The following RIMS1 variants were observed in gnomAD, a reference collection of about 807,000 sequenced individuals.
RIMS1 encodes the protein regulating synaptic membrane exocytosis protein 1.
A neutral mutation model predicts 214.1 loss-of-function variants in RIMS1; 83 were observed. The observed-to-expected ratio is 0.39, with a 90% CI of 0.32 to 0.47. The LOEUF is 0.47. Ranked by LOEUF, RIMS1 falls within the 20% of genes least tolerant of loss-of-function variation. The pLI is 0.99. For synonymous variants in RIMS1, 793 were observed against 786.8 expected, an observed-to-expected ratio of 1.01 and a Z score of -0.13; for missense variants, 2,050 against 2,161.8, an observed-to-expected ratio of 0.95 and a Z score of 1.03.
chr6:72,261,464 C>T (rs1437159554), intron 19 of RIMS1: 4 of 973,710 alleles, frequency 4.1e-6, no homozygotes, highest in East Asian at 2.3e-4. Flanking sequence ...TTATGTTAAT[C>T]TCATTACATC....
intron 2 of RIMS1, among the ~76,000 whole-genome samples, chr6:72,058,513 C>T (rs1826968611): frequency 6.6e-6 from 1 of 152,190 alleles, no homozygotes; most frequent in African/African-American, 2.4e-5. Flanking sequence ...CTGACTGAGT[C>T]TGTCTTTCTC....
intron 2 of RIMS1, among the ~76,000 whole-genome samples, chr6:72,043,650 G>C (rs1822102497): frequency 6.6e-6 from 1 of 151,210 alleles, no homozygotes; most frequent in Admixed American, 6.6e-5. Flanking sequence ...ATCTGATGTT[G>C]CTTTTAGTAA....
intron 1 of RIMS1, among the ~76,000 whole-genome samples, chr6:71,900,885 A>C (rs1334247049): frequency 1.3e-5 from 2 of 152,150 alleles, no homozygotes; most frequent in South Asian, 4.1e-4. Flanking sequence ...TGAGTGATTA[A>C]ATTCAGACAA....
chr6:72,091,549 A>G (rs1836234553), intron 2 of RIMS1, among the ~76,000 whole-genome samples: 2 of 152,220 alleles, frequency 1.3e-5, no homozygotes, highest in South Asian at 2.1e-4. Context: ...TTATAGAATA[A>G]TATTTAGTTT....
chr6:72,231,885 T>C (rs1449056159), intron 6 of RIMS1, among the ~76,000 whole-genome samples: 1 of 151,642 alleles, frequency 6.6e-6, no homozygotes, highest in African/African-American at 2.4e-5. Flanking sequence ...ATAATATTAA[T>C]AGATTTACTT....
At chr6:72,328,284 C>G (rs2096547272) in intron 28 of RIMS1, among the ~76,000 whole-genome samples, 1 of 151,632 alleles carries the variant, frequency 6.6e-6, no homozygotes, top group Non-Finnish European at 1.5e-5. Context: ...TATCACACAC[C>G]AAGGCCTGTC....
At chr6:72,043,287 A>G (rs1821973212) in intron 2 of RIMS1, among the ~76,000 whole-genome samples, 1 of 152,024 alleles carries the variant, frequency 6.6e-6, no homozygotes, top group Admixed American at 6.6e-5. Flanking sequence ...TAGGAAAGAG[A>G]AAAGGTATGA....
At chr6:71,910,474 G>T (rs1776553815) in intron 1 of RIMS1, among the ~76,000 whole-genome samples, 1 of 152,106 alleles carries the variant, frequency 6.6e-6, no homozygotes, top group Non-Finnish European at 1.5e-5. Context: ...TCCCGTCCAT[G>T]CGTACACACT....
At chr6:72,043,003 C>G (rs962223665) in intron 2 of RIMS1, among the ~76,000 whole-genome samples, 1 of 151,822 alleles carries the variant, frequency 6.6e-6, no homozygotes, top group East Asian at 1.9e-4. Context: ...TAGCTTCAGA[C>G]ACTTGAATTG....
chr6:72,227,774 A>G (rs1034820094), intron 6 of RIMS1, among the ~76,000 whole-genome samples: 2 of 151,962 alleles, frequency 1.3e-5, no homozygotes, highest in Non-Finnish European at 2.9e-5. Flanking sequence ...TCTGAATACA[A>G]ATATCTTTGT....
chr6:72,119,659 A>AT (rs567323477), intron 4 of RIMS1, among the ~76,000 whole-genome samples: 42 of 150,836 alleles, frequency 2.8e-4, no homozygotes, highest in African/African-American at 8.7e-4. Context: ...TAGCCAACTG[A>AT]TTTTTTTTTA....
At chr6:72,001,480 G>T (rs1016777676) in intron 2 of RIMS1, among the ~76,000 whole-genome samples, 1 of 152,026 alleles carries the variant, frequency 6.6e-6, no homozygotes, top group African/African-American at 2.4e-5. Context: ...TGTTACTGAT[G>T]CCTTTTTCTC....
chr6:72,384,855 T>G (rs1307039214), intron 29 of RIMS1, among the ~76,000 whole-genome samples: 1 of 152,228 alleles, frequency 6.6e-6, no homozygotes, highest in Non-Finnish European at 1.5e-5. Context: ...GCCTGTATCA[T>G]AGGTTCTTGG....
At chr6:72,272,660 AG>A (rs1280892518) in intron 22 of RIMS1, among the ~76,000 whole-genome samples, 1 of 152,122 alleles carries the variant, frequency 6.6e-6, no homozygotes, top group East Asian at 1.9e-4. Flanking sequence ...TGTTTAAATA[AG>A]CACAAGGACT....
At chr6:72,010,336 A>C (rs1315165576) in intron 2 of RIMS1, among the ~76,000 whole-genome samples, 1 of 152,248 alleles carries the variant, frequency 6.6e-6, no homozygotes. Context: ...ATCTCAAAAT[A>C]ATAAGAGCTA....
At chr6:71,905,906 A>G (rs995958931) in intron 1 of RIMS1, among the ~76,000 whole-genome samples, 2 of 152,116 alleles carry the variant, frequency 1.3e-5, no homozygotes, top group East Asian at 1.9e-4. Flanking sequence ...ATAACTACTC[A>G]TCTACTCTAT....
intron 4 of RIMS1, among the ~76,000 whole-genome samples, chr6:72,125,137 A>T (rs1188375093): frequency 6.6e-6 from 1 of 152,162 alleles, no homozygotes; most frequent in Non-Finnish European, 1.5e-5. Context: ...TTGATCTTTG[A>T]TGATGGTGAC....
At position 72,400,859 on chromosome 6, in the gene RIMS1, T is replaced by C; in HGVS notation, c.*145T>C. On this transcript the variant is annotated 3_prime_UTR_variant, in exon 34 of 34. Transcript: ENST00000521978. ...GTAGTTTTTCAATAATATGTCCCAATTGTTATTTAAAACATGGCTTCATAT... is the reference window on the plus strand; with the variant it reads ...GTAGTTTTTCAATAATATGTCCCAACTGTTATTTAAAACATGGCTTCATAT... 1.6e-6 allele frequency: 1 copy of C among 634,344 alleles called. No individual in the cohort carries two copies. The highest frequency in any genetic ancestry group is 2.2e-5 in the South Asian group (1 of 44,684). The allele number at this position is 634,344 out of a possible 1,614,324, so 39.3% of individuals were successfully genotyped here. A position where few individuals can be genotyped will look rare whatever the true frequency, so the allele number is the denominator to read the frequency against.
intron 4 of RIMS1, among the ~76,000 whole-genome samples, chr6:72,128,940 A>G (rs1240724686): frequency 6.6e-6 from 1 of 152,198 alleles, no homozygotes; most frequent in Admixed American, 6.5e-5. Context: ...CCCACATTGC[A>G]TACAGTAATT....
Sources: allele counts gnomAD v4.1 joint callset (sites outside exome capture counted in the v4.1 genomes callset), GRCh38; gene constraint gnomAD v4.1.1; transcripts MANE v1.5; gene names NCBI Gene and HGNC (gene_info 2026-07-23, HGNC 2026-07-21).